HSPA12A: variants seen among roughly 807,000 people sequenced by gnomAD.
The protein encoded by HSPA12A is heat shock protein family A (Hsp70) member 12A.
HSPA12A carries 28 observed loss-of-function variants against 69.2 expected under a neutral mutation model. That is an observed-to-expected ratio of 0.40 (90% CI 0.30 to 0.55). HSPA12A has a LOEUF of 0.55. Among genes scored for constraint, HSPA12A ranks in the 20% least tolerant of loss-of-function variants. The pLI is 0.38. For missense variants in HSPA12A, 686 were observed against 900.7 expected (o/e 0.76, Z 3.05); for synonymous variants, 345 against 370.5 (o/e 0.93, Z 0.79).
At chr10:116,690,168 G>A (rs551876190) in intron 6 of HSPA12A, among the ~76,000 whole-genome samples, 19 of 152,154 alleles carry the variant, frequency 1.2e-4, no homozygotes, top group Non-Finnish European at 2.8e-4. Context: ...TTTGTCCTAA[G>A]ACTCTCCAGA....
intron 5 of HSPA12A, among the ~76,000 whole-genome samples, chr10:116,695,998 A>T (rs1427796515): frequency 7.3e-6 from 1 of 137,298 alleles, no homozygotes; most frequent in Non-Finnish European, 1.6e-5. Context: ...GAGAGACTCC[A>T]TCTCAAAAAA....
chr10:116,696,002 C>CAAA lies in HSPA12A; in HGVS notation c.546+2630_546+2632dup, dbSNP rs71013609. ...TGGGCAACAGAGAGAGACTCCATCT[C>CAAA]AAAAAAAAAAAAAAAAAAAAAGGCT... On this transcript the variant is annotated intron_variant, in intron 5 of 11. Coordinates refer to ENST00000369209, the MANE Select transcript of HSPA12A (RefSeq NM_025015.3). Among the ~76,000 whole-genome samples, 26 of 32,718 alleles carry CAAA rather than the reference C, an allele frequency of 7.9e-4. 4 individuals carry two copies. In the South Asian group the frequency reaches 0.036, roughly 46 times the overall value. 21.5% of individuals were successfully genotyped at this position (32,718 alleles called of 152,430 possible).
intron 2 of HSPA12A, among the ~76,000 whole-genome samples, chr10:116,822,955 T>C (rs1845432618): frequency 6.6e-6 from 1 of 152,188 alleles, no homozygotes; most frequent in Non-Finnish European, 1.5e-5. Context: ...AGCAGACGAC[T>C]TAAAAAGGTG....
chr10:116,768,552 A>G (rs1038584725), intron 2 of HSPA12A, among the ~76,000 whole-genome samples: 12 of 152,086 alleles, frequency 7.9e-5, no homozygotes, highest in Admixed American at 4.6e-4. Context: ...TATAGCCTCC[A>G]CTCCCGGCTG....
chr10:116,765,191 C>T (rs1844051144), intron 2 of HSPA12A, among the ~76,000 whole-genome samples: 1 of 152,152 alleles, frequency 6.6e-6, no homozygotes, highest in Non-Finnish European at 1.5e-5. Flanking sequence ...ACTCCAGTGA[C>T]AATGAGCACA....
At chr10:116,821,182 C>G (rs113332363) in intron 2 of HSPA12A, among the ~76,000 whole-genome samples, 3 of 152,304 alleles carry the variant, frequency 2.0e-5, no homozygotes, top group African/African-American at 7.2e-5. Flanking sequence ...AATGTAAGAT[C>G]GTGTCACTCT....
chr10:116,827,865 C>T (rs1039998905), intron 2 of HSPA12A, among the ~76,000 whole-genome samples: 8 of 152,194 alleles, frequency 5.3e-5, no homozygotes, highest in African/African-American at 1.9e-4. Context: ...CTGCGGCAGA[C>T]GGTGGAAGCC....
chr10:116,677,907 C>A (rs552966361), intron 10 of HSPA12A, among the ~76,000 whole-genome samples: 1 of 152,170 alleles, frequency 6.6e-6, no homozygotes, highest in South Asian at 2.1e-4. Context: ...TCCTCAAATT[C>A]CTAATGATAC....
chr10:116,733,200 C>T (rs1851214902), intron 1 of HSPA12A, among the ~76,000 whole-genome samples: 1 of 152,184 alleles, frequency 6.6e-6, no homozygotes, highest in South Asian at 2.1e-4. Flanking sequence ...TAAACAGTTT[C>T]TTATCCCAGC....
At chr10:116,711,666 T>TC (rs1491291847) in intron 1 of HSPA12A, among the ~76,000 whole-genome samples, 3 of 39,380 alleles carry the variant, frequency 7.6e-5, no homozygotes, top group African/African-American at 3.3e-4. Flanking sequence ...TCTTTTTTTT[T>TC]CTTTTTTTTT....
In HSPA12A at chr10:116,681,863, G is replaced by T; in HGVS notation, c.850C>A (p.Arg284=). The T allele has an allele frequency of 6.2e-7, 1 of 1,614,108 alleles. No individual in the cohort carries two copies. The highest frequency in any genetic ancestry group is 8.5e-7 in the Non-Finnish European group (1 of 1,179,940). The part of the protein sequence containing the change: ...AGFTQAKEHI[R]RNRQSRTFLV... ...AAGGTCCGACTCTGCCGATTACGCC[G>T]TATGTGTTCCTTAGCTAGTGGCCGA... Residue 284 remains arginine (R), a synonymous_variant, in exon 8 of 12, where the codon CGG becomes AGG. Coordinates refer to ENST00000369209, the MANE Select transcript of HSPA12A (RefSeq NM_025015.3).
intron 1 of HSPA12A, among the ~76,000 whole-genome samples, chr10:116,725,784 T>G (rs1323836703): frequency 2.0e-5 from 3 of 152,098 alleles, no homozygotes; most frequent in African/African-American, 7.2e-5. Flanking sequence ...TTGCAGTTTA[T>G]TTCTGCCTCA....
At chr10:116,702,613 G>A (rs979376697) in intron 3 of HSPA12A, among the ~76,000 whole-genome samples, 2 of 152,178 alleles carry the variant, frequency 1.3e-5, no homozygotes, top group African/African-American at 2.4e-5. Context: ...GGATGGCCCC[G>A]ATGCCAGGCA....
intron 2 of HSPA12A, among the ~76,000 whole-genome samples, chr10:116,762,551 CCT>C (rs782815624): frequency 1.3e-5 from 2 of 152,042 alleles, no homozygotes; most frequent in African/African-American, 2.4e-5. Flanking sequence ...CCACTCTGGT[CCT>C]CTTTCTCGCC....
chr10:116,805,932 C>T (rs568016951), intron 2 of HSPA12A, among the ~76,000 whole-genome samples: 1 of 152,320 alleles, frequency 6.6e-6, no homozygotes, highest in East Asian at 1.9e-4. Context: ...GATGCCTGAG[C>T]GTAAATGCCA....
chr10:116,815,806 G>T (rs1845292586), intron 2 of HSPA12A, among the ~76,000 whole-genome samples: 1 of 152,142 alleles, frequency 6.6e-6, no homozygotes, highest in Non-Finnish European at 1.5e-5. Context: ...TGTTGACAAG[G>T]CTCAAAAACA....
intron 2 of HSPA12A, among the ~76,000 whole-genome samples, chr10:116,767,550 C>T (rs556192427): frequency 1.3e-5 from 2 of 152,338 alleles, no homozygotes; most frequent in South Asian, 2.1e-4. Context: ...GCCAGCCCCA[C>T]ATTCCTGCTG....
At position 116,739,591 on chromosome 10, in the gene HSPA12A, C is replaced by T. The variant is rs549875540; in HGVS notation, c.40+2839G>A. On this transcript the variant is annotated intron_variant, in intron 1 of 11. Transcript: ENST00000369209. ...ACCATAGGAGCCATCCCTGTCCGAA[C>T]CACTCTGTCCACCCCCAATTCATCT... Among the ~76,000 whole-genome samples, 3 of 152,186 alleles carry T rather than the reference C, an allele frequency of 2.0e-5. No individual in the cohort carries two copies. In the East Asian group the frequency reaches 5.8e-4, roughly 30 times the overall value.
chr10:116,753,883 T>G lies in HSPA12A; in HGVS notation c.92-46598A>C, dbSNP rs572114941. ...CCTCGGTAGAGAAGGGCTACATCACTACAAGTCTAATCATATGAACACTCG... is the reference window on the plus strand; with the variant it reads ...CCTCGGTAGAGAAGGGCTACATCACGACAAGTCTAATCATATGAACACTCG... On this transcript the variant is annotated intron_variant, in intron 2 of 12. Coordinates refer to the HSPA12A transcript ENST00000635765. 3.9e-5 allele frequency among the ~76,000 whole-genome samples: 6 copies of G among 152,332 alleles called. No individual in the cohort carries two copies. The South Asian group carries it at 1.2e-3, about 32-fold the overall frequency.
Sources: gnomAD v4.1 joint callset for allele counts (sites outside exome capture counted in the v4.1 genomes callset) on GRCh38, gnomAD v4.1.1 for gene constraint, MANE v1.5 for transcripts, NCBI Gene and HGNC (gene_info 2026-07-23, HGNC 2026-07-21) for gene names.